The following MAST1 variants were observed in gnomAD, a reference collection of about 807,000 sequenced individuals.
MAST1 encodes microtubule-associated serine/threonine-protein kinase 1.
In MAST1, 40 loss-of-function variants were observed where a neutral mutation model predicts 124.6. That is an observed-to-expected ratio of 0.32 (90% CI 0.25 to 0.42). MAST1 has a LOEUF of 0.42. Among genes scored for constraint, MAST1 ranks in the 10% least tolerant of loss-of-function variants. The pLI is 1.00. For missense variants in MAST1, 1,558 were observed against 2,181.9 expected (o/e 0.71, Z 5.70); for synonymous variants, 938 against 939.4 (o/e 1.00, Z 0.03).
chr19:12,847,032 C>T lies in MAST1; in HGVS notation c.328-258C>T, dbSNP rs1221273592. ...TGTTCACCCTGAGTAAGGTGGGAGC[C>T]ACCAAGGGTTCTGAACAGAGGAGGC... On this transcript the variant is annotated intron_variant, in intron 4 of 25. Coordinates refer to ENST00000251472, the MANE Select transcript of MAST1 (RefSeq NM_014975.3). This position sits in a 1 kb window ranked among gnomAD's most constrained non-coding sequence, Gnocchi z 5.5. Among the ~76,000 whole-genome samples the T allele has an allele frequency of 1.3e-5, 2 of 152,112 alleles. No homozygotes were observed. Among genetic ancestry groups the T allele is most frequent in the Non-Finnish European group, 2.9e-5 (2 of 68,016 alleles).
intron 10 of MAST1, among the ~76,000 whole-genome samples, chr19:12,854,148 A>C: frequency 7.0e-6 from 1 of 141,914 alleles, no homozygotes. Context: ...TTTGAGACAG[A>C]ATTTCACTCT....
Position 12,847,771 on chromosome 19 carries a change from C to G in MAST1, c.565-77C>G. 1 of 1,584,210 alleles carries G rather than the reference C, an allele frequency of 6.3e-7. No homozygotes were observed. Among genetic ancestry groups the G allele is most frequent in the Non-Finnish European group, 8.6e-7 (1 of 1,162,236 alleles). ...TTATCCCCGCGCGCCCCCTGGCGGC[C>G]TCGGTGCGCAGCGCAGGCTCCTGGC... On this transcript the variant is annotated intron_variant, in intron 6 of 25. Coordinates refer to ENST00000251472, the MANE Select transcript of MAST1 (RefSeq NM_014975.3). This position sits in a 1 kb window ranked among gnomAD's most constrained non-coding sequence, Gnocchi z 5.5.
At position 12,873,664 on chromosome 19, in the gene MAST1, G is replaced by A. The variant is rs113927130; in HGVS notation, c.3507G>A (p.Ser1169=). 2.0e-5 allele frequency: 32 copies of A among 1,597,364 alleles called. 3 individuals carry two copies. In the African/African-American group the frequency reaches 2.4e-4, roughly 12 times the overall value. ...PASSTPNSPA[S]SASHHIRPST... is the part of the protein sequence containing the mutation. ...CGAGCACGCCCAACTCGCCTGCGTC[G>A]TCGGCGTCGCACCACATTCGGCCCA... Residue 1169 remains serine (S), a synonymous_variant, in exon 26 of 26, where the codon TCG becomes TCA. Transcript: ENST00000251472.
At chr19:12,840,924 C>A (rs1022563572) in intron 2 of MAST1, 67 bp from the exon 3 acceptor site, 2 of 783,906 alleles carry the variant, frequency 2.6e-6, no homozygotes, top group African/African-American at 3.4e-5. Context: ...ACAGGACATG[C>A]TGCTGTTTGC....
At chr19:12,842,225 TGTGA>T (rs1969838651) in intron 3 of MAST1, among the ~76,000 whole-genome samples, 1 of 152,104 alleles carries the variant, frequency 6.6e-6, no homozygotes, top group Non-Finnish European at 1.5e-5. Context: ...TGTAAGCGTG[TGTGA>T]GTGTGTGGCT....
At chr19:12,845,076 T>C (rs902026576) in intron 4 of MAST1, among the ~76,000 whole-genome samples, 2 of 151,604 alleles carry the variant, frequency 1.3e-5, no homozygotes, top group African/African-American at 4.9e-5. Flanking sequence ...CTGAAGCGGG[T>C]GGATCATTTG....
At chr19:12,869,962 A>G (rs1485899668) in intron 22 of MAST1, among the ~76,000 whole-genome samples, 3 of 151,172 alleles carry the variant, frequency 2.0e-5, no homozygotes, top group African/African-American at 4.9e-5. Flanking sequence ...AGGGTGGATC[A>G]TGAGGTCAGG....
Position 12,858,616 on chromosome 19 carries a change from C to G in MAST1, c.1243C>G (p.Gln415Glu). The G allele has an allele frequency of 6.2e-7, 1 of 1,614,264 alleles. No individual in the cohort carries two copies. Residue 415 changes from glutamine to glutamate, a missense_variant, in exon 12 of 26, where the codon CAG (glutamine) becomes GAG (glutamate). Physicochemically the swap from Gln to Glu is conservative, Grantham distance 29. Transcript: ENST00000251472. ...INKQNLILRN[Q>E]IQQAFVERDI... ...CAAGCAGAACTTGATCCTCCGCAAC[C>G]AGATCCAGCAGGCCTTTGTGGAGCG...
intron 25 of MAST1, 40 bp from the exon 26 acceptor site, chr19:12,873,569 T>G (rs1228817897): frequency 6.3e-7 from 1 of 1,580,256 alleles, no homozygotes; most frequent in African/African-American, 1.3e-5. Flanking sequence ...TGGCTGGTGC[T>G]TGGGCTGTAC....
At chr19:12,860,395 C>T (rs1041805326) in intron 12 of MAST1, among the ~76,000 whole-genome samples, 25 of 151,018 alleles carry the variant, frequency 1.7e-4, no homozygotes, top group African/African-American at 4.6e-4. Flanking sequence ...TGATTACAGG[C>T]GTGAACCACC....
chr19:12,872,314 G>C (rs1214655447), intron 24 of MAST1, among the ~76,000 whole-genome samples: 1 of 152,172 alleles, frequency 6.6e-6, no homozygotes, highest in Non-Finnish European at 1.5e-5. Flanking sequence ...GCCCAGACAA[G>C]TACAGGGATT....
At position 12,851,962 on chromosome 19, in the gene MAST1, T is replaced by C; in HGVS notation, c.803T>C (p.Val268Ala). ...DAYERSESLE[V>A]AFVTQLVKKL... ...TATGAACGCTCTGAGAGCTTGGAGG[T>C]GGCCTTCGTTACTCAGCTGGTGAAG... The change falls in exon 8 of 26, where the codon GTG becomes GCG. Residue 268 changes from valine to alanine, a missense_variant. Transcript: ENST00000251472. The C allele has an allele frequency of 4.3e-6, 7 of 1,613,970 alleles. No individual in the cohort carries two copies. Among genetic ancestry groups the C allele is most frequent in the Non-Finnish European group, 5.1e-6 (6 of 1,179,990 alleles).
intron 1 of MAST1, 40 bp from the exon 2 acceptor site, chr19:12,840,406 T>G: frequency 7.4e-7 from 1 of 1,358,628 alleles, no homozygotes; most frequent in Non-Finnish European, 1.0e-6. Flanking sequence ...CTCACTGGGC[T>G]GCGGCCCGGC....
In MAST1 at chr19:12,863,922, A is replaced by C. The variant is rs938349800; in HGVS notation, c.1367-887A>C. 3.5e-5 allele frequency among the ~76,000 whole-genome samples: 5 copies of C among 144,284 alleles called. No homozygotes were observed. The East Asian group carries it at 8.9e-4, about 26-fold the overall frequency. The allele number at this position is 144,284 out of a possible 152,430, so 94.7% of individuals were successfully genotyped here. A position where few individuals can be genotyped will look rare whatever the true frequency, so the allele number is the denominator to read the frequency against. On this transcript the variant is annotated intron_variant, in intron 12 of 25. Coordinates refer to ENST00000251472, the MANE Select transcript of MAST1 (RefSeq NM_014975.3). The stretch of plus-strand genomic sequence containing the variant: ...CACAATGAAACTCGTTTCTACAAAA[A>C]ACTTTTTTTTTTTTTTTTTTGAGAC...
chr19:12,868,557 TG>T, intron 20 of MAST1, 85 bp from the exon 21 acceptor site: 2 of 1,233,414 alleles, frequency 1.6e-6, no homozygotes, highest in Non-Finnish European at 1.1e-6. Context: ...GGGTAAAAAG[TG>T]GAAAGAGCAT....
At chr19:12,869,597 C>G (rs1047918229) in intron 22 of MAST1, among the ~76,000 whole-genome samples, 4 of 152,050 alleles carry the variant, frequency 2.6e-5, no homozygotes, top group African/African-American at 9.7e-5. Flanking sequence ...GCCACCACGC[C>G]CAGCTAATTT....
At position 12,867,913 on chromosome 19, in the gene MAST1, T is replaced by A. The variant is rs749774930; in HGVS notation, c.2502T>A (p.Asp834Glu). The A allele has an allele frequency of 3.7e-6, 6 of 1,600,482 alleles. No homozygotes were observed. The Admixed American group carries it at 1.1e-4, about 28-fold the overall frequency. ...GCTCCGACCCCGCGGGATCCCTGGA[T>A]GCACGGGCCCCCAAAGAGGAGACTC... ...RPSSDPAGSL[D>E]ARAPKEETQG... Residue 834 changes from aspartate (D) to glutamate (E), a missense_variant, in exon 20 of 26, where the codon GAT becomes GAA. Asp to Glu is a conservative substitution (Grantham distance 45, BLOSUM62 2). Transcript: ENST00000251472.
chr19:12,854,912 G>A (rs561059845), intron 10 of MAST1, among the ~76,000 whole-genome samples: 1 of 152,238 alleles, frequency 6.6e-6, no homozygotes, highest in South Asian at 2.1e-4. Context: ...CCACACATGT[G>A]TTTTCTCTGA....
intron 7 of MAST1, among the ~76,000 whole-genome samples, chr19:12,849,554 C>T (rs1175238704): frequency 6.6e-6 from 1 of 151,940 alleles, no homozygotes; most frequent in Non-Finnish European, 1.5e-5. Flanking sequence ...ATCCCAGCTA[C>T]TCAGGAGGCT....
Sources: allele counts gnomAD v4.1 joint callset (sites outside exome capture counted in the v4.1 genomes callset), GRCh38; gene constraint gnomAD v4.1.1; non-coding constraint Gnocchi (gnomAD v3.1); transcripts MANE v1.5; gene names NCBI Gene and HGNC (gene_info 2026-07-23, HGNC 2026-07-21).